MAP4K4: variants seen among roughly 807,000 people sequenced by gnomAD.
MAP4K4 encodes the protein HPK/GCK-like kinase HGK.
MAP4K4 carries 38 observed loss-of-function variants against 189.6 expected under a neutral mutation model. The ratio of observed to expected loss-of-function variants is 0.20; its 90% CI spans 0.15 to 0.26. The LOEUF (loss-of-function observed/expected upper bound fraction) is 0.26. Among genes scored for constraint, MAP4K4 ranks in the 10% least tolerant of loss-of-function variants. The pLI, the probability that MAP4K4 is intolerant of heterozygous loss-of-function variation, is 1.00. For missense variants in MAP4K4, 1,054 were observed against 1,726.9 expected (o/e 0.61, Z 6.91); for synonymous variants, 610 against 624.3 (o/e 0.98, Z 0.34).
chr2:101,848,542 A>T (rs1173220978), intron 12 of MAP4K4, among the ~76,000 whole-genome samples: 1 of 152,234 alleles, frequency 6.6e-6, no homozygotes, highest in African/African-American at 2.4e-5. Flanking sequence ...AGACTGGCAA[A>T]ACATGATCCA....
At chr2:101,759,261 T>A (rs890501996) in intron 2 of MAP4K4, among the ~76,000 whole-genome samples, 4 of 152,114 alleles carry the variant, frequency 2.6e-5, no homozygotes, top group Non-Finnish European at 5.9e-5. Context: ...TCCTTTGCTT[T>A]CCTTGGTCAT....
intron 16 of MAP4K4, 164 bp downstream of exon 16, chr2:101,861,150 G>A: frequency 1.7e-6 from 1 of 599,784 alleles, no homozygotes; most frequent in Non-Finnish European, 2.8e-6. Flanking sequence ...CAGTTGATAG[G>A]GAAATATCTT....
At chr2:101,888,327 C>T (rs941483784) in intron 31 of MAP4K4, among the ~76,000 whole-genome samples, 3 of 152,154 alleles carry the variant, frequency 2.0e-5, no homozygotes, top group African/African-American at 2.4e-5. Context: ...AATGCTAGAG[C>T]CATAACTACA....
intron 5 of MAP4K4, among the ~76,000 whole-genome samples, chr2:101,826,415 A>G (rs1030101717): frequency 7.9e-5 from 12 of 152,190 alleles, no homozygotes; most frequent in Admixed American, 6.5e-4. Context: ...TAAGAAGACT[A>G]GTTGTGAAGG....
chr2:101,864,412 A>G (rs1374869312), intron 17 of MAP4K4, among the ~76,000 whole-genome samples: 3 of 152,232 alleles, frequency 2.0e-5, no homozygotes, highest in African/African-American at 2.4e-5. Context: ...AAAAAGTCCT[A>G]TAAGAAAAAT....
At chr2:101,736,212 C>T (rs187278676) in intron 2 of MAP4K4, among the ~76,000 whole-genome samples, 158 of 152,322 alleles carry the variant, frequency 1.0e-3, no homozygotes, top group Non-Finnish European at 1.5e-3. Flanking sequence ...CAAATCAGTT[C>T]GATCTGTCCA....
rs890953387 is a variant in MAP4K4, at chr2:101,748,537, G to A, written c.124-42183G>A. On this transcript the variant is annotated intron_variant, in intron 2 of 32. Transcript: ENST00000324219. The stretch of plus-strand genomic sequence containing the variant: ...AGAAATAAGGAATGAGGCCAGGTGC[G>A]TTGTCTGTCATCTGTAATCCCAGCA... Among the ~76,000 whole-genome samples the A allele has an allele frequency of 2.8e-4, 43 of 152,256 alleles. 1 individual carries two copies. The highest frequency in any genetic ancestry group is 9.8e-4 in the Admixed American group (15 of 15,296).
chr2:101,851,305 A>G (rs1045495760), intron 12 of MAP4K4, among the ~76,000 whole-genome samples: 2 of 152,218 alleles, frequency 1.3e-5, no homozygotes, highest in African/African-American at 4.8e-5. Flanking sequence ...ATTTAAGAAA[A>G]TAAATTACAT....
intron 32 of MAP4K4, 46 bp downstream of exon 32, chr2:101,888,981 TAATG>T (rs778126363): frequency 6.7e-7 from 1 of 1,499,580 alleles, no homozygotes; most frequent in East Asian, 2.3e-5. Flanking sequence ...TATCTTTTAA[TAATG>T]GCTTGTTTTC....
intron 8 of MAP4K4, among the ~76,000 whole-genome samples, chr2:101,835,480 T>C (rs2096723635): frequency 6.6e-6 from 1 of 152,200 alleles, no homozygotes; most frequent in African/African-American, 2.4e-5. Context: ...ACAAACAGCA[T>C]TTCTGGAGGG....
chr2:101,870,348 T>C (rs368954596), exon 23 of MAP4K4: 2 of 1,613,612 alleles, frequency 1.2e-6, no homozygotes, highest in African/African-American at 2.7e-5. Context: ...ACCATGATTG[T>C]CCATGATGAT....
chr2:101,716,173 G>A (rs547274972), intron 2 of MAP4K4, among the ~76,000 whole-genome samples: 5 of 152,336 alleles, frequency 3.3e-5, no homozygotes, highest in East Asian at 1.9e-4. Flanking sequence ...ACAGATGGCC[G>A]TGGCTCACGC....
At chr2:101,814,380 C>CT (rs2095601227) in intron 3 of MAP4K4, among the ~76,000 whole-genome samples, 1 of 152,116 alleles carries the variant, frequency 6.6e-6, no homozygotes, top group South Asian at 2.1e-4. Context: ...ATTCTTAGAG[C>CT]TAAGGGAATG....
chr2:101,750,831 A>T (rs964643862), intron 2 of MAP4K4, among the ~76,000 whole-genome samples: 1 of 151,994 alleles, frequency 6.6e-6, no homozygotes, highest in African/African-American at 2.4e-5. Context: ...GTCTAAAAAA[A>T]AAAAAAAGAA....
At chr2:101,874,045 G>T (rs745663377) in intron 25 of MAP4K4, 37 bp from the exon 26 acceptor site, 16 of 1,566,686 alleles carry the variant, frequency 1.0e-5, no homozygotes, top group Non-Finnish European at 1.4e-5. Flanking sequence ...TAGTGTGTGT[G>T]TGTACAGAAA....
intron 2 of MAP4K4, among the ~76,000 whole-genome samples, chr2:101,767,529 T>C (rs1024810798): frequency 2.0e-5 from 3 of 152,220 alleles, no homozygotes; most frequent in Admixed American, 6.5e-5. Flanking sequence ...GGCTTTTGTT[T>C]GCACTGTGAT....
intron 2 of MAP4K4, among the ~76,000 whole-genome samples, chr2:101,782,172 C>T (rs1575462081): frequency 1.3e-5 from 2 of 152,296 alleles, no homozygotes; most frequent in South Asian, 2.1e-4. Context: ...AAAAAAGATG[C>T]GGTGCATAAT....
chr2:101,772,862 G>A (rs866929672), intron 2 of MAP4K4, among the ~76,000 whole-genome samples: 1 of 152,172 alleles, frequency 6.6e-6, no homozygotes, highest in Non-Finnish European at 1.5e-5. Flanking sequence ...TGAGGGGACT[G>A]GGCTCTGGAA....
intron 28 of MAP4K4, among the ~76,000 whole-genome samples, chr2:101,884,190 C>T (rs539879241): frequency 3.8e-4 from 58 of 152,052 alleles, no homozygotes; most frequent in Non-Finnish European, 6.5e-4. Flanking sequence ...TTATGGTTGC[C>T]ACCAAGAATA....
Sources: allele counts gnomAD v4.1 joint callset (sites outside exome capture counted in the v4.1 genomes callset), GRCh38; gene constraint gnomAD v4.1.1; transcripts MANE v1.5; gene names NCBI Gene and HGNC (gene_info 2026-07-23, HGNC 2026-07-21).